STIMATE: variants seen among roughly 807,000 people sequenced by gnomAD.
STIMATE encodes the protein store-operated calcium entry regulator STIMATE.
A neutral mutation model predicts 36.7 loss-of-function variants in STIMATE; 15 were observed. The observed-to-expected ratio is 0.41, with a 90% CI of 0.27 to 0.63. STIMATE has a LOEUF of 0.63. Ranked by LOEUF, STIMATE falls within the 20% of genes least tolerant of loss-of-function variation. The pLI, the probability that STIMATE is intolerant of heterozygous loss-of-function variation, is 0.32. For synonymous variants in STIMATE, 163 were observed against 162.3 expected (o/e 1.00, Z -0.03); for missense variants, 305 against 397.3 (o/e 0.77, Z 1.98).
rs181455780 is a variant in STIMATE, at chr3:52,887,547, C to T, written c.160+9744G>A. On this transcript the variant is annotated intron_variant, in intron 1 of 7. Coordinates refer to ENST00000355083, the MANE Select transcript of STIMATE (RefSeq NM_198563.5). ...CTACACTAAGAAGGACCACACATGG[C>T]ACCACAGCAGCTACAGCCAATGAGA... Among the ~76,000 whole-genome samples, 9 of 152,358 alleles carry T rather than the reference C, an allele frequency of 5.9e-5. No homozygotes were observed. The East Asian group carries it at 1.7e-3, about 29-fold the overall frequency.
chr3:52,852,514 G>C, intron 3 of STIMATE, 89 bp downstream of exon 3: 1 of 1,532,744 alleles, frequency 6.5e-7, no homozygotes, highest in Non-Finnish European at 8.9e-7. Flanking sequence ...CCAAGCCAGA[G>C]GGAGCAGGAC....
chr3:52,844,091 A>C (rs961340474), intron 5 of STIMATE, among the ~76,000 whole-genome samples: 1 of 152,132 alleles, frequency 6.6e-6, no homozygotes, highest in Non-Finnish European at 1.5e-5. Context: ...GCCCACCGGG[A>C]GAGTGGAGTG....
intron 4 of STIMATE, among the ~76,000 whole-genome samples, chr3:52,849,382 T>C (rs1295882907): frequency 2.6e-5 from 4 of 152,222 alleles, no homozygotes; most frequent in Admixed American, 6.5e-5. Context: ...GCCACCTCGT[T>C]ATTGAACACC....
chr3:52,870,694 C>T (rs1701387655), intron 1 of STIMATE, among the ~76,000 whole-genome samples: 1 of 152,150 alleles, frequency 6.6e-6, no homozygotes, highest in Non-Finnish European at 1.5e-5. Flanking sequence ...GCTCCTCAGG[C>T]TGGTCAAGCG....
chr3:52,892,527 CTGAT>C lies in STIMATE; in HGVS notation c.160+4760_160+4763del, dbSNP rs1701799632. Reference sequence around the variant, plus strand: ...CCAGAAGGAGGAAAGGACAGCGACACTGATTGAGTTTGTGCTGGGTTCCAGACCC... The same window carrying C: ...CCAGAAGGAGGAAAGGACAGCGACACTGAGTTTGTGCTGGGTTCCAGACCC... On this transcript the variant is annotated intron_variant, in intron 1 of 7. Coordinates refer to ENST00000355083, the MANE Select transcript of STIMATE (RefSeq NM_198563.5). Among the ~76,000 whole-genome samples the C allele has an allele frequency of 3.9e-5, 6 of 152,338 alleles. No individual in the cohort carries two copies. In the South Asian group the frequency reaches 1.2e-3, roughly 32 times the overall value.
intron 1 of STIMATE, among the ~76,000 whole-genome samples, chr3:52,868,772 G>A (rs949055324): frequency 7.2e-5 from 11 of 152,076 alleles, no homozygotes; most frequent in Admixed American, 2.0e-4. Context: ...ACAGGCACGC[G>A]CCACCATGCC....
In STIMATE at chr3:52,860,147, A is replaced by G. The variant is rs1409288895; in HGVS notation, c.161-4703T>C. On this transcript the variant is annotated intron_variant, in intron 1 of 7. Transcript: ENST00000355083. Reference sequence around the variant, plus strand: ...GGGGTAAAAAAAAAAAAACAGAAAAATTCATTCATCTACCATCATATGTTA... The same window carrying G: ...GGGGTAAAAAAAAAAAAACAGAAAAGTTCATTCATCTACCATCATATGTTA... Among the ~76,000 whole-genome samples the G allele has an allele frequency of 5.4e-5, 8 of 149,344 alleles. No individual in the cohort carries two copies. The East Asian group carries it at 1.6e-3, about 29-fold the overall frequency.
intron 1 of STIMATE, among the ~76,000 whole-genome samples, chr3:52,876,055 G>C (rs1212409454): frequency 6.6e-6 from 1 of 152,228 alleles, no homozygotes; most frequent in Non-Finnish European, 1.5e-5. Flanking sequence ...GAGTTCCCAT[G>C]AGGAGATCTG....
chr3:52,863,504 T>C (rs967778199), intron 1 of STIMATE, among the ~76,000 whole-genome samples: 2 of 152,090 alleles, frequency 1.3e-5, no homozygotes, highest in Admixed American at 1.3e-4. Flanking sequence ...AAGGTGAGAT[T>C]TGGGTGGGGA....
rs1380668980 is a variant in STIMATE, at chr3:52,843,751, G to A, written c.588C>T (p.Ile196=). ...PIENPDLKLA[I]VMLIVPFFVN... ...CAAAGAAGGGGACGATCAGCATGAC[G>A]ATGGCCAGCTTCAAGTCTGGGTTTT... The change falls in exon 6 of 8, where the codon ATC becomes ATT. Residue 196 remains isoleucine, a synonymous_variant. Coordinates refer to ENST00000355083, the MANE Select transcript of STIMATE (RefSeq NM_198563.5). The A allele has an allele frequency of 3.1e-6, 5 of 1,613,872 alleles. No homozygotes were observed. Among genetic ancestry groups the A allele is most frequent in the African/African-American group, 1.3e-5 (1 of 75,020 alleles).
intron 1 of STIMATE, among the ~76,000 whole-genome samples, chr3:52,862,804 G>A (rs1293329047): frequency 6.6e-6 from 1 of 152,184 alleles, no homozygotes; most frequent in Non-Finnish European, 1.5e-5. Context: ...CATGAGATGA[G>A]ATCATTCTGG....
Position 52,897,417 on chromosome 3 carries a change from G to A in STIMATE, c.34C>T (p.Leu12=). 2 of 1,459,424 alleles carry A rather than the reference G, an allele frequency of 1.4e-6. No homozygotes were observed. Among genetic ancestry groups the A allele is most frequent in the Non-Finnish European group, 1.8e-6 (2 of 1,113,350 alleles). The allele number at this position is 1,459,424 out of a possible 1,614,324, so 90.4% of individuals were successfully genotyped here. Residue 12 remains leucine, a synonymous_variant, in exon 1 of 8, where the codon CTG becomes TTG. Coordinates refer to ENST00000355083, the MANE Select transcript of STIMATE (RefSeq NM_198563.5). ...QGPAGNASRG[L]PGGPPSTVAS... ...ACTGTGGAGGGCGGCCCGCCTGGCA[G>A]TCCCCGGCTCGCGTTCCCGGCGGGG...
chr3:52,889,388 T>C (rs1352281009), intron 1 of STIMATE, among the ~76,000 whole-genome samples: 2 of 152,182 alleles, frequency 1.3e-5, no homozygotes, highest in Non-Finnish European at 2.9e-5. Context: ...AAAGTATCTC[T>C]ACCTTCTCCA....
chr3:52,861,217 T>C (rs548574372), intron 1 of STIMATE, among the ~76,000 whole-genome samples: 10 of 152,266 alleles, frequency 6.6e-5, no homozygotes, highest in South Asian at 6.2e-4. Context: ...CCAAGGCTGA[T>C]GGAGTGATTC....
chr3:52,883,909 C>G (rs1372042954), intron 1 of STIMATE, among the ~76,000 whole-genome samples: 2 of 152,112 alleles, frequency 1.3e-5, no homozygotes, highest in African/African-American at 2.4e-5. Flanking sequence ...TTAGCTGATT[C>G]TTCTTCTGAC....
At chr3:52,862,857 G>A (rs1212152055) in intron 1 of STIMATE, among the ~76,000 whole-genome samples, 1 of 152,162 alleles carries the variant, frequency 6.6e-6, no homozygotes. Flanking sequence ...GTATCCTTAT[G>A]AGAGATGGAG....
At chr3:52,888,769 T>G (rs1475160025) in intron 1 of STIMATE, among the ~76,000 whole-genome samples, 1 of 152,204 alleles carries the variant, frequency 6.6e-6, no homozygotes, top group Non-Finnish European at 1.5e-5. Context: ...GAGTTGGCCC[T>G]GTATGTGTCC....
intron 1 of STIMATE, among the ~76,000 whole-genome samples, chr3:52,856,828 G>A (rs549566486): frequency 1.3e-5 from 2 of 152,336 alleles, no homozygotes; most frequent in Admixed American, 1.3e-4. Context: ...CTGTAGACAC[G>A]ATGGCCTGAA....
At chr3:52,841,411 T>C (rs1358151739) in intron 7 of STIMATE, among the ~76,000 whole-genome samples, 3 of 152,240 alleles carry the variant, frequency 2.0e-5, no homozygotes, top group Non-Finnish European at 4.4e-5. Context: ...AGCGGCACTT[T>C]GCTGTTCTAA....
Sources: allele counts gnomAD v4.1 joint callset (sites outside exome capture counted in the v4.1 genomes callset), GRCh38; gene constraint gnomAD v4.1.1; transcripts MANE v1.5; gene names NCBI Gene and HGNC (gene_info 2026-07-23, HGNC 2026-07-21).